The following KAT6A variants were observed in gnomAD, a reference collection of about 807,000 sequenced individuals.
The protein encoded by KAT6A is lysine acetyltransferase 6A, also known as histone acetyltransferase KAT6A.
KAT6A carries 9 observed loss-of-function variants against 198.4 expected under a neutral mutation model. The ratio of observed to expected loss-of-function variants is 0.05; its 90% CI spans 0.03 to 0.08. The LOEUF is 0.08. KAT6A is among the 10% of genes least tolerant of loss of function. KAT6A has a pLI of 1.00. For missense variants in KAT6A, 2,077 were observed against 2,509.9 expected (o/e 0.83, Z 3.69); for synonymous variants, 890 against 883.0 (o/e 1.01, Z -0.14).
chr8:42,005,057 T>G (rs1353024384), intron 2 of KAT6A, among the ~76,000 whole-genome samples: 1 of 152,254 alleles, frequency 6.6e-6, no homozygotes, highest in Non-Finnish European at 1.5e-5. Context: ...TGTCATAGTT[T>G]GTTACTTCTC....
chr8:41,971,041 G>A (rs1447442436), intron 8 of KAT6A, among the ~76,000 whole-genome samples: 1 of 152,004 alleles, frequency 6.6e-6, no homozygotes, highest in Non-Finnish European at 1.5e-5. Flanking sequence ...CATGGACACA[G>A]GAAGGGGAAC....
At chr8:41,967,982 A>G (rs1823596503) in intron 8 of KAT6A, among the ~76,000 whole-genome samples, 2 of 152,110 alleles carry the variant, frequency 1.3e-5, no homozygotes, top group African/African-American at 2.4e-5. Flanking sequence ...TTCAAGATGG[A>G]TTAAAGACTT....
intron 2 of KAT6A, among the ~76,000 whole-genome samples, chr8:42,041,893 T>C (rs770692466): frequency 2.1e-4 from 32 of 152,208 alleles, no homozygotes; most frequent in Non-Finnish European, 3.8e-4. Flanking sequence ...GAAGATTTTT[T>C]GTTTTTTTTG....
At chr8:42,020,414 A>C (rs948345909) in intron 2 of KAT6A, among the ~76,000 whole-genome samples, 1 of 152,192 alleles carries the variant, frequency 6.6e-6, no homozygotes, top group African/African-American at 2.4e-5. Context: ...GTCTTCATAA[A>C]TCTGTCAAAA....
rs999568960 is a variant in KAT6A at position 41,930,183 on chromosome 8, G to A, written c.*2022C>T. ...GCAAACCAACAGAAACTGATTTCACGGCCCTCATTTCAACAGCTTCTCCTT... is the reference window on the plus strand; with the variant it reads ...GCAAACCAACAGAAACTGATTTCACAGCCCTCATTTCAACAGCTTCTCCTT... On this transcript the variant is annotated 3_prime_UTR_variant, in exon 17 of 17. Coordinates refer to ENST00000265713, the MANE Select transcript of KAT6A (RefSeq NM_006766.5). 3 of 209,324 alleles carry A rather than the reference G, an allele frequency of 1.4e-5. No homozygotes were observed. Among genetic ancestry groups the A allele is most frequent in the Non-Finnish European group, 1.9e-5 (2 of 108,030 alleles). 13.0% of individuals were successfully genotyped at this position (209,324 alleles called of 1,614,324 possible).
intron 5 of KAT6A, among the ~76,000 whole-genome samples, chr8:41,979,811 G>C (rs746219471): frequency 1.3e-5 from 2 of 152,192 alleles, no homozygotes; most frequent in Non-Finnish European, 2.9e-5. Flanking sequence ...GACGAGCCTG[G>C]CCAACATGGC....
chr8:42,022,393 T>G (rs1353738133), intron 2 of KAT6A, among the ~76,000 whole-genome samples: 2 of 151,844 alleles, frequency 1.3e-5, no homozygotes, highest in Non-Finnish European at 2.9e-5. Context: ...AAAAAAAAAT[T>G]TGATTACCTC....
chr8:41,938,858 C>T (rs890440151), intron 15 of KAT6A, among the ~76,000 whole-genome samples: 7 of 147,076 alleles, frequency 4.8e-5, no homozygotes, highest in Middle Eastern at 3.7e-3. Context: ...GAGGTGGGAG[C>T]GTTGCTTGCA....
At position 41,933,351 on chromosome 8, in the gene KAT6A, G is replaced by A. The variant is rs1345274760; in HGVS notation, c.4869C>T (p.Ser1623=). 6 of 1,584,226 alleles carry A rather than the reference G, an allele frequency of 3.8e-6. No homozygotes were observed. The highest frequency in any genetic ancestry group is 4.5e-5 in the East Asian group (2 of 44,638). ...TGCTGCAGTTGGCAGCAGGCTGGAC[G>A]CTGCTCTGCTGCATCATGCTGCAGC... ...GSSCSMMQQS[S]VQPAANCSIK... is the part of the protein sequence containing the mutation. Residue 1623 remains serine, a synonymous_variant, in exon 17 of 17, where the codon AGC becomes AGT. Coordinates refer to ENST00000265713, the MANE Select transcript of KAT6A (RefSeq NM_006766.5). This position sits in a 1 kb window ranked among gnomAD's most constrained non-coding sequence, Gnocchi z 6.2.
At chr8:42,040,862 C>T (rs1452420746) in intron 2 of KAT6A, among the ~76,000 whole-genome samples, 3 of 151,106 alleles carry the variant, frequency 2.0e-5, no homozygotes, top group African/African-American at 7.3e-5. Context: ...CGAGGTATGT[C>T]ATGCACTGAA....
chr8:42,002,488 G>C (rs920681658), intron 2 of KAT6A, among the ~76,000 whole-genome samples: 7 of 152,140 alleles, frequency 4.6e-5, no homozygotes, highest in African/African-American at 1.4e-4. Flanking sequence ...TTGAACCTGG[G>C]GGGTGGAGGT....
Position 41,932,908 on chromosome 8 carries a change from T to C in KAT6A, c.5312A>G (p.Tyr1771Cys). Reference protein sequence around the residue: ...NTIMDPHAMPYSHSPAVTSYA... With the variant: ...NTIMDPHAMPCSHSPAVTSYA... The stretch of plus-strand genomic sequence containing the variant: ...GGAAGTCACAGCAGGAGAATGGCTA[T>C]AAGGCATGGCATGAGGGTCCATAAT... Residue 1771 changes from tyrosine to cysteine, a missense_variant, in exon 17 of 17, where the codon TAT becomes TGT. By Grantham distance (194) the Tyr-to-Cys change is radical (BLOSUM62 -2). Around this residue, in one of 13 missense-constraint regions of KAT6A, gnomAD observed 500 missense variants for 577.2 expected, o/e 0.87. Coordinates refer to ENST00000265713, the MANE Select transcript of KAT6A (RefSeq NM_006766.5). 2 of 1,614,144 alleles carry C rather than the reference T, an allele frequency of 1.2e-6. No individual in the cohort carries two copies. The highest frequency in any genetic ancestry group is 1.7e-6 in the Non-Finnish European group (2 of 1,180,018).
intron 1 of KAT6A, 40 bp from the exon 2 acceptor site, chr8:42,049,342 C>A (rs968002060): frequency 3.1e-5 from 8 of 260,146 alleles, no homozygotes; most frequent in Non-Finnish European, 5.9e-5. Context: ...TCTACCAAGA[C>A]CTATTTCGAA....
At position 41,978,658 on chromosome 8, in the gene KAT6A, T is replaced by C. The variant is rs1314012076; in HGVS notation, c.1027A>G (p.Lys343Glu). The change falls in exon 6 of 17, where the codon AAG becomes GAG. Residue 343 changes from lysine (K) to glutamate (E), a missense_variant. Physicochemically the swap from Lys to Glu is moderately conservative, Grantham distance 56. Coordinates refer to ENST00000265713, the MANE Select transcript of KAT6A (RefSeq NM_006766.5). ...NPIGRPKNRL[K>E]KQNTVSKGPF... ...ACAACTTACACCGTGTTTTGTTTCT[T>C]TAACCTGTTTTTTGGACGTCCTATT... 1 of 1,614,124 alleles carries C rather than the reference T, an allele frequency of 6.2e-7. No homozygotes were observed. The highest frequency in any genetic ancestry group is 1.1e-5 in the South Asian group (1 of 91,082).
At chr8:42,041,072 G>A (rs1456554176) in intron 2 of KAT6A, among the ~76,000 whole-genome samples, 3 of 151,706 alleles carry the variant, frequency 2.0e-5, no homozygotes, top group African/African-American at 4.8e-5. Context: ...GCGCATGCCT[G>A]TAATCCCAGC....
intron 16 of KAT6A, among the ~76,000 whole-genome samples, chr8:41,935,424 T>C (rs1032285580): frequency 6.6e-6 from 1 of 152,224 alleles, no homozygotes; most frequent in African/African-American, 2.4e-5. Flanking sequence ...TCAATTAATG[T>C]TGTGTTTGTA....
intron 2 of KAT6A, among the ~76,000 whole-genome samples, chr8:42,006,883 C>G (rs1825775819): frequency 6.6e-6 from 1 of 150,980 alleles, no homozygotes; most frequent in African/African-American, 2.4e-5. Context: ...GTAATCCCAG[C>G]TACTTGGGAG....
rs1467091943 is a variant in KAT6A at position 41,942,704 on chromosome 8, A to C, written c.2436+89T>G. On this transcript the variant is annotated intron_variant, in intron 14 of 16. Coordinates refer to ENST00000265713, the MANE Select transcript of KAT6A (RefSeq NM_006766.5). ...TCTAATGTGAATTTACTTTTCTGTG[A>C]AAGATGATCATAATACATTATTATA... 5.8e-6 allele frequency: 8 copies of C among 1,388,160 alleles called. No individual in the cohort carries two copies. The African/African-American group carries it at 7.3e-5, about 13-fold the overall frequency. 86.0% of individuals were successfully genotyped at this position (1,388,160 alleles called of 1,614,324 possible). A position where few individuals can be genotyped will look rare whatever the true frequency, so the allele number is the denominator to read the frequency against.
intron 8 of KAT6A, among the ~76,000 whole-genome samples, chr8:41,961,759 A>G (rs945047953): frequency 1.3e-5 from 2 of 151,414 alleles, no homozygotes; most frequent in Admixed American, 1.3e-4. Flanking sequence ...CTCAAAAAAA[A>G]AAAAAAAAAA....
Sources: gnomAD v4.1 joint callset for allele counts (sites outside exome capture counted in the v4.1 genomes callset) on GRCh38, gnomAD v4.1.1 for gene constraint, gnomAD v4.1.1 regional missense constraint, Gnocchi (gnomAD v3.1) non-coding constraint, MANE v1.5 for transcripts, NCBI Gene and HGNC (gene_info 2026-07-23, HGNC 2026-07-21) for gene names.